The following ASAP2 variants were observed in gnomAD, a reference collection of about 807,000 sequenced individuals.
The protein encoded by ASAP2 is ArfGAP with SH3 domain, ankyrin repeat and PH domain 2.
A neutral mutation model predicts 131.4 loss-of-function variants in ASAP2; 45 were observed. The ratio of observed to expected loss-of-function variants is 0.34; its 90% confidence interval spans 0.27 to 0.44. The LOEUF (loss-of-function observed/expected upper bound fraction) is 0.44. Among genes scored for constraint, ASAP2 ranks in the 20% least tolerant of loss-of-function variants. The pLI, the probability that ASAP2 is intolerant of heterozygous loss-of-function variation, is 1.00. For missense variants in ASAP2, 1,011 were observed against 1,297.0 expected, an observed-to-expected ratio of 0.78 and a Z score of 3.39; for synonymous variants, 510 against 503.0, an observed-to-expected ratio of 1.01 and a Z score of -0.19.
intron 1 of ASAP2, among the ~76,000 whole-genome samples, chr2:9,231,965 C>T (rs1041879716): frequency 6.6e-6 from 1 of 152,202 alleles, no homozygotes; most frequent in Non-Finnish European, 1.5e-5. Flanking sequence ...GTGAGTGAAG[C>T]TCCTGCTTCC....
chr2:9,240,879 T>C (rs928606361), intron 1 of ASAP2, among the ~76,000 whole-genome samples: 3 of 152,208 alleles, frequency 2.0e-5, no homozygotes, highest in African/African-American at 7.2e-5. Context: ...GGCTCTGCAA[T>C]ACTGGGACAA....
Position 9,401,354 on chromosome 2 carries a change from G to A in ASAP2, c.2904G>A (p.Gly968=), listed in dbSNP as rs1252735611. 6.2e-7 allele frequency: 1 copy of A among 1,613,674 alleles called. No individual in the cohort carries two copies. The highest frequency in any genetic ancestry group is 2.2e-5 in the East Asian group (1 of 44,862). Residue 968 remains glycine (G), a synonymous_variant, in exon 27 of 28, where the codon GGG becomes GGA. Coordinates refer to ENST00000281419, the MANE Select transcript of ASAP2 (RefSeq NM_003887.3). ...DNPDELTFSE[G]DVIIVDGEED... ...CCGATGAGCTCACCTTCTCCGAGGG[G>A]GATGTGATCATCGTGGACGGGGAGG...
chr2:9,397,741 TATATATATA>T (rs1271142945), intron 24 of ASAP2, among the ~76,000 whole-genome samples: 2 of 93,484 alleles, frequency 2.1e-5, no homozygotes, highest in Non-Finnish European at 1.9e-5. Flanking sequence ...TATATATATA[TATATATATA>T]TTTTTTTTTT....
chr2:9,346,782 G>A (rs1671995637), intron 11 of ASAP2, among the ~76,000 whole-genome samples: 1 of 152,232 alleles, frequency 6.6e-6, no homozygotes, highest in Non-Finnish European at 1.5e-5. Flanking sequence ...GCTTAAGCCA[G>A]TGAGTGGCTC....
At chr2:9,319,242 G>A (rs1053060209) in intron 4 of ASAP2, among the ~76,000 whole-genome samples, 6 of 152,254 alleles carry the variant, frequency 3.9e-5, no homozygotes, top group African/African-American at 7.2e-5. Context: ...TGACAGACGT[G>A]CACCACGGAA....
chr2:9,317,089 ACACT>A (rs778152736), intron 3 of ASAP2, among the ~76,000 whole-genome samples: 4 of 113,250 alleles, frequency 3.5e-5, no homozygotes, highest in Admixed American at 1.7e-4. Context: ...ATCCACACAC[ACACT>A]CAACCACACT....
At chr2:9,396,999 C>T (rs1676198091) in intron 24 of ASAP2, among the ~76,000 whole-genome samples, 1 of 152,102 alleles carries the variant, frequency 6.6e-6, no homozygotes, top group Non-Finnish European at 1.5e-5. Flanking sequence ...CAGACTCCGT[C>T]TCAAAAAAAT....
chr2:9,381,478 T>C (rs369737271), intron 20 of ASAP2, among the ~76,000 whole-genome samples: 2 of 152,252 alleles, frequency 1.3e-5, no homozygotes, highest in Non-Finnish European at 2.9e-5. Context: ...TCACGCCTTG[T>C]AATCCCAAAG....
intron 2 of ASAP2, among the ~76,000 whole-genome samples, chr2:9,290,849 T>G (rs1054095989): frequency 6.6e-6 from 1 of 152,168 alleles, no homozygotes; most frequent in African/African-American, 2.4e-5. Flanking sequence ...CAGAGGAGAA[T>G]AAAATAACAT....
At chr2:9,319,069 G>C (rs983977622) in intron 4 of ASAP2, among the ~76,000 whole-genome samples, 5 of 152,212 alleles carry the variant, frequency 3.3e-5, no homozygotes, top group African/African-American at 1.2e-4. Flanking sequence ...GACATGCCTA[G>C]CCACCATAAG....
At chr2:9,313,143 T>C (rs1558320595) in intron 3 of ASAP2, among the ~76,000 whole-genome samples, 1 of 151,818 alleles carries the variant, frequency 6.6e-6, no homozygotes, top group Non-Finnish European at 1.5e-5. Flanking sequence ...CATCCAGAGG[T>C]CACACTCACT....
At chr2:9,315,547 G>A (rs1039336113) in intron 3 of ASAP2, among the ~76,000 whole-genome samples, 2 of 152,166 alleles carry the variant, frequency 1.3e-5, no homozygotes, top group African/African-American at 4.8e-5. Flanking sequence ...AGCATTGGAG[G>A]AAGGAGAGCT....
chr2:9,387,281 A>G (rs1004244356), intron 21 of ASAP2, among the ~76,000 whole-genome samples: 37 of 151,994 alleles, frequency 2.4e-4, no homozygotes, highest in Admixed American at 1.3e-4. Flanking sequence ...AGGGCCAGAT[A>G]GTAAATATTT....
At chr2:9,291,540 C>A (rs1040307641) in intron 2 of ASAP2, among the ~76,000 whole-genome samples, 11 of 152,208 alleles carry the variant, frequency 7.2e-5, no homozygotes, top group African/African-American at 2.7e-4. Flanking sequence ...TCACAACATT[C>A]GTGTCGTGAC....
At chr2:9,378,847 C>G in intron 18 of ASAP2, 97 bp from the exon 19 acceptor site, 1 of 813,264 alleles carries the variant, frequency 1.2e-6, no homozygotes. Context: ...GACTGTCTGC[C>G]TTTCCTGTGC....
chr2:9,340,302 T>C (rs895119600), intron 9 of ASAP2, among the ~76,000 whole-genome samples: 1 of 152,206 alleles, frequency 6.6e-6, no homozygotes, highest in Admixed American at 6.5e-5. Flanking sequence ...ATTACAGGCA[T>C]GAGCCACCGC....
chr2:9,225,810 C>G (rs1445652007), intron 1 of ASAP2, among the ~76,000 whole-genome samples: 1 of 152,120 alleles, frequency 6.6e-6, no homozygotes. Context: ...AAGGAAGGGA[C>G]GTATTCCAGG....
intron 9 of ASAP2, 136 bp downstream of exon 9, chr2:9,335,315 A>G: frequency 2.8e-6 from 2 of 706,904 alleles, no homozygotes; most frequent in South Asian, 3.6e-5. Flanking sequence ...AAAACATTTA[A>G]TGTATTCTTG....
intron 1 of ASAP2, among the ~76,000 whole-genome samples, chr2:9,210,104 G>A (rs1162018998): frequency 6.6e-6 from 1 of 152,216 alleles, no homozygotes; most frequent in Non-Finnish European, 1.5e-5. Context: ...GAGAGGTTAA[G>A]TAATTTGCCA....
Sources: allele counts gnomAD v4.1 joint callset (sites outside exome capture counted in the v4.1 genomes callset), GRCh38; gene constraint gnomAD v4.1.1; transcripts MANE v1.5; gene names NCBI Gene and HGNC (gene_info 2026-07-23, HGNC 2026-07-21).